Variants in TRIM14 observed in about 807,000 individuals in gnomAD.
TRIM14 encodes tripartite motif containing 14.
A neutral mutation model predicts 44.5 loss-of-function variants in TRIM14; 28 were observed. The observed-to-expected ratio is 0.63, with a 90% confidence interval of 0.47 to 0.86. The LOEUF is 0.86. TRIM14 is among the 40% of genes least tolerant of loss of function. The probability of loss-of-function intolerance (pLI) is 0.00; values close to 1 mark genes in which losing one functional copy is unlikely to be tolerated. For missense variants in TRIM14, 607 were observed against 611.1 expected (o/e 0.99, Z 0.07); for synonymous variants, 299 against 269.2 (o/e 1.11, Z -1.08).
rs566293945 is a variant in TRIM14 at position 98,095,803 on chromosome 9, T to C, written c.538-774A>G. On this transcript the variant is annotated intron_variant, in intron 3 of 5. Coordinates refer to ENST00000341469, the MANE Select transcript of TRIM14 (RefSeq NM_014788.4). This position sits in a 1 kb window ranked among gnomAD's most constrained non-coding sequence, Gnocchi z 4.1. Reference sequence around the variant, plus strand: ...CAGTGGTGGGGGCTCTGGTCAGTGGTGTGAGTGGTGATGTCTTGCCCAGCA... The same window carrying C: ...CAGTGGTGGGGGCTCTGGTCAGTGGCGTGAGTGGTGATGTCTTGCCCAGCA... Among the ~76,000 whole-genome samples the C allele has an allele frequency of 5.0e-4, 76 of 151,970 alleles. No individual in the cohort carries two copies. Among genetic ancestry groups the C allele is most frequent in the Non-Finnish European group, 9.0e-4 (61 of 67,976 alleles).
chr9:98,090,332 GGGTA>G (rs1250449414), intron 5 of TRIM14, among the ~76,000 whole-genome samples: 1 of 152,162 alleles, frequency 6.6e-6, no homozygotes, highest in Non-Finnish European at 1.5e-5. Flanking sequence ...AAACACAGAA[GGGTA>G]TAGTGTGAAT....
chr9:98,083,620 T>C (rs570731489), downstream of TRIM14, among the ~76,000 whole-genome samples: 393 of 152,356 alleles, frequency 2.6e-3, no homozygotes, highest in African/African-American at 9.1e-3. Flanking sequence ...GAACAAATAT[T>C]GAGGGCCATC....
At chr9:98,060,956 G>A in the TRIM14 span, 9 of 1,614,010 alleles carry the variant, frequency 5.6e-6, no homozygotes, top group Middle Eastern at 3.3e-4. Flanking sequence ...GAGGTACGCC[G>A]AGGAGGTTGG....
downstream of TRIM14, among the ~76,000 whole-genome samples, chr9:98,083,340 C>T (rs568304790): frequency 1.9e-4 from 29 of 152,354 alleles, no homozygotes; most frequent in East Asian, 5.6e-3. Context: ...AAACAAAGTC[C>T]ATATCCTCCA....
At chr9:98,083,407 A>G (rs1829977924), downstream of TRIM14, among the ~76,000 whole-genome samples, 1 of 152,198 alleles carries the variant, frequency 6.6e-6, no homozygotes, top group African/African-American at 2.4e-5. Context: ...CTTTCCTTTA[A>G]GCCTTCATTC....
At chr9:98,101,993 GC>G in intron 2 of TRIM14, among the ~76,000 whole-genome samples, 1 of 138,672 alleles carries the variant, frequency 7.2e-6, no homozygotes, top group East Asian at 2.1e-4. Flanking sequence ...GGGCGACAAT[GC>G]AAGACTTTGA....
At chr9:98,042,186 G>A in the TRIM14 span, among the ~76,000 whole-genome samples, 12 of 151,032 alleles carry the variant, frequency 7.9e-5, no homozygotes, top group South Asian at 4.2e-4. Flanking sequence ...CCAGCTACTC[G>A]GGAGGCTGAG....
chr9:98,078,347 G>A (rs764022329), intron 6 of TRIM14: 17 of 1,613,586 alleles, frequency 1.1e-5, no homozygotes, highest in East Asian at 4.5e-5. Context: ...GGGTCATCTC[G>A]GTGAGCAGGA....
Position 98,087,397 on chromosome 9 carries a change from C to G in TRIM14, c.*73G>C. ...AAGCAGGCAGTAAGGGGACCAGCCA[C>G]GCTGATCTAGGTAGATTAGGCGAGA... On this transcript the variant is annotated 3_prime_UTR_variant, in exon 6 of 6. Transcript: ENST00000341469. The G allele has an allele frequency of 6.2e-7, 1 of 1,607,286 alleles. No individual in the cohort carries two copies.
chr9:98,039,122 G>A, the TRIM14 span, among the ~76,000 whole-genome samples: 1 of 151,734 alleles, frequency 6.6e-6, no homozygotes, highest in Non-Finnish European at 1.5e-5. Flanking sequence ...TTTCATGCAT[G>A]ATAAGTGAAC....
intron 6 of TRIM14, among the ~76,000 whole-genome samples, chr9:98,079,195 C>G (rs1393307831): frequency 6.6e-6 from 1 of 152,224 alleles, no homozygotes; most frequent in Non-Finnish European, 1.5e-5. Context: ...GGAACTAGAA[C>G]CTGGGCATGT....
At chr9:98,088,164 G>A (rs1825866274) in intron 5 of TRIM14, among the ~76,000 whole-genome samples, 159 bp from the exon 6 acceptor site, 1 of 152,194 alleles carries the variant, frequency 6.6e-6, no homozygotes, top group Non-Finnish European at 1.5e-5. Context: ...CTGCCCCTGG[G>A]GCGGGGTCTT....
chr9:98,078,333 C>T (rs774178572), intron 6 of TRIM14: 2 of 1,613,982 alleles, frequency 1.2e-6, no homozygotes, highest in East Asian at 4.5e-5. Context: ...GGACGTCAAC[C>T]TGCGGGTCAT....
At chr9:98,098,837 G>A (rs1826283557) in intron 3 of TRIM14, among the ~76,000 whole-genome samples, 2 of 152,074 alleles carry the variant, frequency 1.3e-5, no homozygotes, top group African/African-American at 4.8e-5. Context: ...CCGGCCTGGA[G>A]TGCAGTGGCA....
chr9:98,078,326 C>G (rs146299491), intron 6 of TRIM14: 1 of 1,613,948 alleles, frequency 6.2e-7, no homozygotes, highest in Non-Finnish European at 8.5e-7. Context: ...AGCCTGAGGA[C>G]GTCAACCTGC....
rs1311029034 is a variant in TRIM14, at chr9:98,095,656, C to A, written c.538-627G>T. The stretch of plus-strand genomic sequence containing the variant: ...CTTCACTAAGGAGAAGCTAGAAAAC[C>A]CCCTCTCCCAGCTCCCTTTGCACCT... On this transcript the variant is annotated intron_variant, in intron 3 of 5. Coordinates refer to ENST00000341469, the MANE Select transcript of TRIM14 (RefSeq NM_014788.4). The surrounding 1 kb of genome is among the most constrained non-coding windows in gnomAD (Gnocchi z 4.1). 6.6e-6 allele frequency among the ~76,000 whole-genome samples: 1 copy of A among 152,184 alleles called. No homozygotes were observed. Among genetic ancestry groups the A allele is most frequent in the Admixed American group, 6.5e-5 (1 of 15,282 alleles).
chr9:98,115,785 T>C (rs1232076846), intron 1 of TRIM14: 3 of 152,250 alleles, frequency 2.0e-5, no homozygotes, highest in African/African-American at 7.2e-5. Context: ...ACTGGTAATT[T>C]TACCAAGGCT....
At chr9:98,043,951 C>T in the TRIM14 span, among the ~76,000 whole-genome samples, 6 of 151,918 alleles carry the variant, frequency 3.9e-5, no homozygotes, top group Non-Finnish European at 8.8e-5. Flanking sequence ...ACTAAGAGTG[C>T]CCCAAAAGGG....
At chr9:98,109,787 C>T (rs906595491) in intron 2 of TRIM14, 102 bp downstream of exon 2, 172 of 902,898 alleles carry the variant, frequency 1.9e-4, no homozygotes, top group East Asian at 1.8e-3. Context: ...TCTGCCCCTT[C>T]GCAGTTGGTT....
Sources: gnomAD v4.1 joint callset for allele counts (sites outside exome capture counted in the v4.1 genomes callset) on GRCh38, gnomAD v4.1.1 for gene constraint, Gnocchi (gnomAD v3.1) non-coding constraint, MANE v1.5 for transcripts, NCBI Gene and HGNC (gene_info 2026-07-23, HGNC 2026-07-21) for gene names.